The following UBE2E2 variants were observed in gnomAD, a reference collection of about 807,000 sequenced individuals.
UBE2E2 encodes the protein ubiquitin conjugating enzyme E2 E2.
Under a neutral mutation model 24.7 loss-of-function variants are expected in UBE2E2, and 6 were observed. The ratio of observed to expected loss-of-function variants is 0.24; its 90% CI spans 0.13 to 0.48. The LOEUF (loss-of-function observed/expected upper bound fraction) is 0.48, where lower values mean the gene tolerates loss of function less well. Ranked by LOEUF, UBE2E2 falls within the 20% of genes least tolerant of loss-of-function variation. The pLI is 0.99. For missense variants in UBE2E2, 169 were observed against 245.0 expected, an observed-to-expected ratio of 0.69 and a Z score of 2.07; for synonymous variants, 104 against 83.6, an observed-to-expected ratio of 1.24 and a Z score of -1.33.
At chr3:23,541,046 T>G (rs1436217617) in intron 5 of UBE2E2, among the ~76,000 whole-genome samples, 1 of 152,226 alleles carries the variant, frequency 6.6e-6, no homozygotes, top group East Asian at 1.9e-4. Context: ...AACAGCATAA[T>G]AAAACAACTC....
At chr3:23,331,569 C>T (rs950985041) in intron 3 of UBE2E2, among the ~76,000 whole-genome samples, 4 of 151,772 alleles carry the variant, frequency 2.6e-5, no homozygotes, top group South Asian at 4.2e-4. Context: ...GACAAAGTGA[C>T]ACAAAGACCA....
chr3:23,338,984 G>T (rs934554650), intron 3 of UBE2E2, among the ~76,000 whole-genome samples: 5 of 152,094 alleles, frequency 3.3e-5, no homozygotes, highest in African/African-American at 1.2e-4. Context: ...CTCACTAAAA[G>T]ATATTTACTA....
intron 4 of UBE2E2, among the ~76,000 whole-genome samples, chr3:23,526,737 T>C (rs781347458): frequency 3.9e-5 from 6 of 152,234 alleles, no homozygotes; most frequent in Non-Finnish European, 7.3e-5. Flanking sequence ...TAGAACATGT[T>C]GGAACAGTCA....
At chr3:23,395,551 A>T (rs1047633007) in intron 3 of UBE2E2, among the ~76,000 whole-genome samples, 11 of 152,180 alleles carry the variant, frequency 7.2e-5, no homozygotes, top group African/African-American at 2.7e-4. Flanking sequence ...CTTCTCTAGT[A>T]GACTTTTGAG....
intron 5 of UBE2E2, among the ~76,000 whole-genome samples, chr3:23,560,752 T>C (rs199548192): frequency 0.29 from 43,850 of 150,798 alleles, 6,675 homozygotes; most frequent in East Asian, 0.48. Context: ...TTTTAATGAT[T>C]GCCATTCTAA....
intron 2 of UBE2E2, among the ~76,000 whole-genome samples, chr3:23,214,921 A>G (rs1057167273): frequency 2.6e-5 from 4 of 152,126 alleles, no homozygotes; most frequent in East Asian, 1.9e-4. Flanking sequence ...AACTCTTAAT[A>G]ATACACTTAT....
At chr3:23,526,868 C>T (rs1479549104) in intron 4 of UBE2E2, among the ~76,000 whole-genome samples, 1 of 152,172 alleles carries the variant, frequency 6.6e-6, no homozygotes, top group Non-Finnish European at 1.5e-5. Flanking sequence ...GTTTAAAACT[C>T]TGTCCAGAAA....
chr3:23,564,164 T>A (rs1021124922), intron 5 of UBE2E2, among the ~76,000 whole-genome samples: 34 of 152,096 alleles, frequency 2.2e-4, no homozygotes, highest in African/African-American at 7.7e-4. Context: ...TAATTGATGA[T>A]GTAAATGTGA....
At chr3:23,460,265 A>G (rs2125424458) in intron 3 of UBE2E2, among the ~76,000 whole-genome samples, 1 of 152,344 alleles carries the variant, frequency 6.6e-6, no homozygotes, top group African/African-American at 2.4e-5. Context: ...AGTTAAATTC[A>G]GAAGACCTCA....
chr3:23,497,812 G>A lies in UBE2E2; in HGVS notation c.228-1796G>A, dbSNP rs532343456. The stretch of plus-strand genomic sequence containing the variant: ...ATTTAGTTCATCTAAGTTGACCCAC[G>A]CAATGCAGACCCTGTTGTTCAGGGG... On this transcript the variant is annotated intron_variant, in intron 3 of 5. Transcript: ENST00000396703. Among the ~76,000 whole-genome samples the A allele has an allele frequency of 2.6e-5, 4 of 152,058 alleles. No homozygotes were observed. In the South Asian group the frequency reaches 6.2e-4, roughly 24 times the overall value.
chr3:23,325,133 C>T (rs1219531246), intron 3 of UBE2E2, among the ~76,000 whole-genome samples: 1 of 152,112 alleles, frequency 6.6e-6, no homozygotes, highest in East Asian at 1.9e-4. Flanking sequence ...ATCTTCTAGG[C>T]ACACATTACT....
At chr3:23,476,305 G>A (rs962638949) in intron 3 of UBE2E2, among the ~76,000 whole-genome samples, 1 of 152,082 alleles carries the variant, frequency 6.6e-6, no homozygotes, top group African/African-American at 2.4e-5. Flanking sequence ...TAGTGATTCT[G>A]TGGGCATAGG....
chr3:23,238,866 T>A (rs1034333674), intron 3 of UBE2E2, among the ~76,000 whole-genome samples: 2 of 152,148 alleles, frequency 1.3e-5, no homozygotes, highest in Admixed American at 1.3e-4. Context: ...ACTTGTGGCA[T>A]CATGTCAGTG....
intron 3 of UBE2E2, among the ~76,000 whole-genome samples, chr3:23,228,221 G>C (rs1182735155): frequency 6.6e-6 from 1 of 152,098 alleles, no homozygotes; most frequent in Non-Finnish European, 1.5e-5. Flanking sequence ...AGTGAGTTTA[G>C]TGCCCATTAT....
chr3:23,256,407 G>T (rs993133578), intron 3 of UBE2E2, among the ~76,000 whole-genome samples: 1 of 152,050 alleles, frequency 6.6e-6, no homozygotes, highest in Non-Finnish European at 1.5e-5. Flanking sequence ...AGGATACTCC[G>T]TAACAAAGTA....
chr3:23,532,219 CAG>C (rs1423639176), intron 4 of UBE2E2, among the ~76,000 whole-genome samples: 2 of 152,072 alleles, frequency 1.3e-5, no homozygotes, highest in African/African-American at 4.8e-5. Context: ...TTTTAGAAGT[CAG>C]AGTCAGTTTC....
chr3:23,477,956 A>C (rs1056083750), intron 3 of UBE2E2, among the ~76,000 whole-genome samples: 7 of 152,328 alleles, frequency 4.6e-5, no homozygotes, highest in African/African-American at 1.7e-4. Flanking sequence ...TCTGTGAGGA[A>C]GGAGGTGTTT....
intron 2 of UBE2E2, among the ~76,000 whole-genome samples, chr3:23,209,098 A>G (rs1696240390): frequency 6.6e-6 from 1 of 152,082 alleles, no homozygotes; most frequent in Admixed American, 6.5e-5. Context: ...ACATTTCCAT[A>G]GTGTGTTTGT....
intron 3 of UBE2E2, among the ~76,000 whole-genome samples, chr3:23,350,945 A>G (rs1045510481): frequency 7.2e-5 from 11 of 152,306 alleles, no homozygotes; most frequent in African/African-American, 2.2e-4. Flanking sequence ...CAGATTCACC[A>G]AAGTTGAAAT....
Sources: gnomAD v4.1 joint callset for allele counts (sites outside exome capture counted in the v4.1 genomes callset) on GRCh38, gnomAD v4.1.1 for gene constraint, MANE v1.5 for transcripts, NCBI Gene and HGNC (gene_info 2026-07-23, HGNC 2026-07-21) for gene names.